The following RHBDL3 variants were observed in gnomAD, a reference collection of about 807,000 sequenced individuals.
The protein encoded by RHBDL3 is rhomboid like 3, also known as rhomboid-related protein 3.
Under a neutral mutation model 48.2 loss-of-function variants are expected in RHBDL3, and 28 were observed. The observed-to-expected ratio is 0.58, with a 90% confidence interval of 0.43 to 0.80. The LOEUF is 0.80. Ranked by LOEUF, RHBDL3 falls within the 30% of genes least tolerant of loss-of-function variation. The probability of loss-of-function intolerance (pLI) is 0.00; values close to 1 mark genes in which losing one functional copy is unlikely to be tolerated. For missense variants in RHBDL3, 464 were observed against 542.7 expected (o/e 0.85, Z 1.44); for synonymous variants, 208 against 232.3 (o/e 0.90, Z 0.95).
chr17:32,278,822 G>A (rs937758630), intron 2 of RHBDL3, among the ~76,000 whole-genome samples: 5 of 152,106 alleles, frequency 3.3e-5, no homozygotes, highest in Non-Finnish European at 4.4e-5. Flanking sequence ...GAGAGTAAAG[G>A]AGCTACTGTA....
At chr17:32,284,610 A>AGAG in intron 2 of RHBDL3, 49 bp from the exon 3 acceptor site, 1 of 1,590,482 alleles carries the variant, frequency 6.3e-7, no homozygotes, top group Non-Finnish European at 8.6e-7. Flanking sequence ...ATCAGTGTGA[A>AGAG]GAGGAGGTGG....
chr17:32,316,277 GT>G lies in RHBDL3; in HGVS notation c.929del (p.Val310GlyfsTer6). On this transcript the variant is annotated frameshift_variant, in exon 8 of 9. Transcript: ENST00000269051. LOFTEE classifies it high-confidence loss of function. The stretch of plus-strand genomic sequence containing the variant: ...CCAGTTCAAGCTGCTGCGGATGGCT[GT>G]GGCCCTTATCTGTAGTAAGTACTGA... The part of the protein sequence containing the change: ...KCQFKLLRMA[V>X]ALICMSMEFG... 6.2e-7 allele frequency: 1 copy of G among 1,613,662 alleles called. No homozygotes were observed. The highest frequency in any genetic ancestry group is 1.7e-5 in the Admixed American group (1 of 60,008).
intron 6 of RHBDL3, among the ~76,000 whole-genome samples, chr17:32,298,857 T>TG (rs2040516259): frequency 6.6e-6 from 1 of 152,188 alleles, no homozygotes; most frequent in Admixed American, 6.5e-5. Flanking sequence ...GTGTGGCCAG[T>TG]GATCATCCTT....
At chr17:32,308,316 C>G (rs1389661050) in intron 7 of RHBDL3, among the ~76,000 whole-genome samples, 1 of 152,188 alleles carries the variant, frequency 6.6e-6, no homozygotes, top group Admixed American at 6.5e-5. Context: ...GGCGCGCTGG[C>G]TCACACCTGT....
chr17:32,302,521 G>A (rs2040608635), intron 6 of RHBDL3, among the ~76,000 whole-genome samples: 1 of 142,678 alleles, frequency 7.0e-6, no homozygotes, highest in Non-Finnish European at 1.5e-5. Flanking sequence ...ACCATGTCCA[G>A]CTAATTTTTG....
rs147377082 is a variant in RHBDL3, at chr17:32,323,108, C to T, written c.*1879C>T. ...CACTGGCAGGCGAGGCCCAGCCATA[C>T]CGCATCTTGGCCCACTGCTAAATAG... On this transcript the variant is annotated 3_prime_UTR_variant, in exon 9 of 9. Transcript: ENST00000269051. 1,133 of 152,540 alleles carry T rather than the reference C, an allele frequency of 7.4e-3. 14 individuals are homozygous for T. Among genetic ancestry groups the T allele is most frequent in the Non-Finnish European group, 7.7e-3 (523 of 68,190 alleles). 9.4% of individuals were successfully genotyped at this position (152,540 alleles called of 1,614,324 possible).
chr17:32,289,751 C>T (rs1372466973), intron 4 of RHBDL3, among the ~76,000 whole-genome samples: 1 of 152,184 alleles, frequency 6.6e-6, no homozygotes, highest in East Asian at 1.9e-4. Context: ...TGCAGCCCAC[C>T]CCAGCTGCAG....
chr17:32,301,468 GTGCATCCCCAGGGCC>G (rs2040581049), intron 6 of RHBDL3, among the ~76,000 whole-genome samples: 3 of 151,224 alleles, frequency 2.0e-5, no homozygotes, highest in Admixed American at 2.0e-4. Context: ...CTAACCACGT[GTGCATCCCCAGGGCC>G]TAGCACAGGG....
chr17:32,314,086 A>G (rs980529039), intron 7 of RHBDL3, among the ~76,000 whole-genome samples: 1 of 151,908 alleles, frequency 6.6e-6, no homozygotes, highest in Non-Finnish European at 1.5e-5. Flanking sequence ...TTGTATGTAT[A>G]TATCAGCAGG....
At chr17:32,305,227 G>A (rs2040680066) in intron 6 of RHBDL3, 114 bp from the exon 7 acceptor site, 4 of 725,068 alleles carry the variant, frequency 5.5e-6, no homozygotes, top group South Asian at 3.0e-5. Context: ...AGGAAGAGGT[G>A]GAGCGTCTTG....
chr17:32,303,771 G>T (rs1240407404), intron 6 of RHBDL3, among the ~76,000 whole-genome samples: 17 of 152,126 alleles, frequency 1.1e-4, no homozygotes, highest in Admixed American at 1.1e-3. Flanking sequence ...GGCAGGGGAG[G>T]TGGAGGAGTT....
chr17:32,297,188 C>T (rs977776441), intron 5 of RHBDL3, among the ~76,000 whole-genome samples: 1 of 152,024 alleles, frequency 6.6e-6, no homozygotes, highest in Non-Finnish European at 1.5e-5. Context: ...CAGAACATGG[C>T]CAGGCGCAGT....
rs1024507413 is a variant in RHBDL3 at position 32,322,140 on chromosome 17, C to CGTGTGTGTGTGT, written c.*913_*914insGTGTGTGTGTGT. The CGTGTGTGTGTGT allele has an allele frequency of 7.8e-3, 1,169 of 149,720 alleles. 16 individuals are homozygous for CGTGTGTGTGTGT. The highest frequency in any genetic ancestry group is 0.027 in the African/African-American group (1,082 of 39,514). The allele number at this position is 149,720 out of a possible 1,614,324, so 9.3% of individuals were successfully genotyped here. A position where few individuals can be genotyped will look rare whatever the true frequency, so the allele number is the denominator to read the frequency against. ...ATTCATGCGTGTGTGTGTGTGTGTGCGTATATGTGTGTATGTGATGGGAAA... is the reference window on the plus strand; with the variant it reads ...ATTCATGCGTGTGTGTGTGTGTGTGCGTGTGTGTGTGTGTATATGTGTGTATGTGATGGGAAA... On this transcript the variant is annotated 3_prime_UTR_variant, in exon 9 of 9. Coordinates refer to ENST00000269051, the MANE Select transcript of RHBDL3 (RefSeq NM_138328.3).
At chr17:32,285,403 G>T (rs72811006) in intron 3 of RHBDL3, among the ~76,000 whole-genome samples, 53,609 of 151,900 alleles carry the variant, frequency 0.35, 9,681 homozygotes, top group South Asian at 0.56. Flanking sequence ...GGGGAGTGGG[G>T]GCCGGGAGGG....
chr17:32,281,756 T>G (rs2040055844), intron 2 of RHBDL3, among the ~76,000 whole-genome samples: 2 of 152,200 alleles, frequency 1.3e-5, no homozygotes, highest in South Asian at 4.1e-4. Context: ...TCCGGGGCTG[T>G]TTCCTGATTT....
At chr17:32,285,356 G>A (rs904683279) in intron 3 of RHBDL3, among the ~76,000 whole-genome samples, 3 of 152,312 alleles carry the variant, frequency 2.0e-5, no homozygotes, top group African/African-American at 4.8e-5. Flanking sequence ...ATGAAGGGCT[G>A]CGAGTAGGTA....
At chr17:32,297,681 T>A (rs8065501) in intron 5 of RHBDL3, among the ~76,000 whole-genome samples, 9,842 of 112,772 alleles carry the variant, frequency 0.087, 1,208 homozygotes, top group African/African-American at 0.3. Flanking sequence ...TTTTTTTTTT[T>A]CAGAGATGGT....
chr17:32,307,125 T>C (rs1175585209), intron 7 of RHBDL3, among the ~76,000 whole-genome samples: 1 of 152,068 alleles, frequency 6.6e-6, no homozygotes, highest in Non-Finnish European at 1.5e-5. Flanking sequence ...TTGGAGGCGG[T>C]CTGAAGTCTG....
intron 1 of RHBDL3, among the ~76,000 whole-genome samples, chr17:32,266,629 G>A (rs2039638283): frequency 6.6e-6 from 1 of 152,190 alleles, no homozygotes; most frequent in Non-Finnish European, 1.5e-5. Flanking sequence ...CCGCGTCACG[G>A]CGGTGACTCC....
Sources: allele counts gnomAD v4.1 joint callset (sites outside exome capture counted in the v4.1 genomes callset), GRCh38; gene constraint gnomAD v4.1.1; transcripts MANE v1.5; gene names NCBI Gene and HGNC (gene_info 2026-07-23, HGNC 2026-07-21).